PEBP1: variants seen among roughly 807,000 people sequenced by gnomAD.
The protein encoded by PEBP1 is phosphatidylethanolamine binding protein 1.
PEBP1 carries 17 observed loss-of-function variants against 22.7 expected under a neutral mutation model. The ratio of observed to expected loss-of-function variants is 0.75; its 90% CI spans 0.51 to 1.12. PEBP1 has a LOEUF of 1.12. Among genes scored for constraint, PEBP1 ranks in the 50% most tolerant of loss-of-function variants. The pLI is 0.00. For missense variants in PEBP1, 205 were observed against 243.5 expected (o/e 0.84, Z 1.05); for synonymous variants, 106 against 104.3 (o/e 1.02, Z -0.10).
chr12:118,136,478 C>G lies in PEBP1; in HGVS notation c.135+134C>G. The G allele has an allele frequency of 1.8e-6, 2 of 1,100,752 alleles. No individual in the cohort carries two copies. Among genetic ancestry groups the G allele is most frequent in the Non-Finnish European group, 2.5e-6 (2 of 800,778 alleles). The allele number at this position is 1,100,752 out of a possible 1,614,324, so 68.2% of individuals were successfully genotyped here. On this transcript the variant is annotated intron_variant, in intron 1 of 3. Coordinates refer to ENST00000261313, the MANE Select transcript of PEBP1 (RefSeq NM_002567.4). This position sits in a 1 kb window ranked among gnomAD's most constrained non-coding sequence, Gnocchi z 5.6. Reference sequence around the variant, plus strand: ...CTGCGTGTGTCGAGGCCCCCCCAGGCCAGAGGTCCCGGGGTCCATGTCCCA... The same window carrying G: ...CTGCGTGTGTCGAGGCCCCCCCAGGGCAGAGGTCCCGGGGTCCATGTCCCA...
At chr12:118,142,524 T>C (rs1320065737) in intron 3 of PEBP1, among the ~76,000 whole-genome samples, 1 of 151,940 alleles carries the variant, frequency 6.6e-6, no homozygotes, top group African/African-American at 2.4e-5. Context: ...TTTTTGAGGC[T>C]GGAGTGCAGT....
intron 3 of PEBP1, among the ~76,000 whole-genome samples, chr12:118,143,037 C>T (rs1360838272): frequency 6.6e-6 from 1 of 151,354 alleles, no homozygotes; most frequent in South Asian, 2.1e-4. Context: ...CTAGTAGAGA[C>T]GGGGTTTCGC....
intron 3 of PEBP1, among the ~76,000 whole-genome samples, chr12:118,140,661 C>T (rs2034106179): frequency 6.6e-6 from 1 of 151,992 alleles, no homozygotes; most frequent in Non-Finnish European, 1.5e-5. Context: ...GCCTCAGCCT[C>T]CCGAGTAGCT....
intron 3 of PEBP1, among the ~76,000 whole-genome samples, chr12:118,142,162 C>G (rs1198575307): frequency 3.3e-5 from 5 of 150,466 alleles, no homozygotes; most frequent in Non-Finnish European, 7.4e-5. Flanking sequence ...AGTGGAGTGG[C>G]TGCCATGCAT....
chr12:118,138,184 C>G (rs767986450), intron 2 of PEBP1, 36 bp downstream of exon 2: 9 of 1,379,554 alleles, frequency 6.5e-6, no homozygotes, highest in Non-Finnish European at 9.3e-6. Context: ...GCAGGTCATG[C>G]AGAGATGAGT....
In PEBP1 at chr12:118,145,290, G is replaced by C. The variant is rs2034147719; in HGVS notation, c.*487G>C. The C allele has an allele frequency of 9.1e-6, 3 of 331,322 alleles. No homozygotes were observed. The highest frequency in any genetic ancestry group is 1.7e-5 in the Non-Finnish European group (3 of 172,748). The allele number at this position is 331,322 out of a possible 1,614,324, so 20.5% of individuals were successfully genotyped here. A position where few individuals can be genotyped will look rare whatever the true frequency, so the allele number is the denominator to read the frequency against. On this transcript the variant is annotated 3_prime_UTR_variant, in exon 4 of 4. Coordinates refer to ENST00000261313, the MANE Select transcript of PEBP1 (RefSeq NM_002567.4). The stretch of plus-strand genomic sequence containing the variant: ...TAGACAACCAGAGGCTGGCATTGAG[G>C]CTAACCTCCAACACAGTGCATCTCA...
rs755278700 is a variant in PEBP1 at position 118,139,546 on chromosome 12, G to A, written c.341G>A (p.Gly114Asp). 2 of 1,607,518 alleles carry A rather than the reference G, an allele frequency of 1.2e-6. No individual in the cohort carries two copies. Among genetic ancestry groups the A allele is most frequent in the Admixed American group, 1.7e-5 (1 of 59,814 alleles). ...SDYVGSGPPK[G>D]TGLHRYVWLV... ...TATGTGGGCTCGGGGCCTCCCAAGGGCACAGGTTAGTAAAGGTTGTTTTTG... is the reference window on the plus strand; with the variant it reads ...TATGTGGGCTCGGGGCCTCCCAAGGACACAGGTTAGTAAAGGTTGTTTTTG... Residue 114 changes from glycine to aspartate, a missense_variant, in exon 3 of 4, where the codon GGC (glycine) becomes GAC (aspartate). Gly to Asp is a moderately conservative substitution (Grantham distance 94, BLOSUM62 -1). Coordinates refer to ENST00000261313, the MANE Select transcript of PEBP1 (RefSeq NM_002567.4).
Position 118,144,812 on chromosome 12 carries a change from C to T in PEBP1, c.*9C>T, listed in dbSNP as rs376087935. The T allele has an allele frequency of 1.3e-4, 204 of 1,613,820 alleles. No individual in the cohort carries two copies. Among genetic ancestry groups the T allele is most frequent in the Admixed American group, 3.5e-4 (21 of 60,016 alleles). On this transcript the variant is annotated 3_prime_UTR_variant, in exon 4 of 4. Coordinates refer to ENST00000261313, the MANE Select transcript of PEBP1 (RefSeq NM_002567.4). Reference sequence around the variant, plus strand: ...AGCTGTCTGGGAAGTAGGGGGTTAGCTTGGGGACCTGAACTGTCCTGGAGG... The same window carrying T: ...AGCTGTCTGGGAAGTAGGGGGTTAGTTTGGGGACCTGAACTGTCCTGGAGG...
chr12:118,141,221 A>AT (rs1225737368), intron 3 of PEBP1, among the ~76,000 whole-genome samples: 2 of 151,234 alleles, frequency 1.3e-5, no homozygotes, highest in African/African-American at 4.9e-5. Flanking sequence ...TGTTCAAATG[A>AT]TTCTTCTGCC....
At chr12:118,140,481 G>T (rs1422565452) in intron 3 of PEBP1, among the ~76,000 whole-genome samples, 3 of 152,104 alleles carry the variant, frequency 2.0e-5, no homozygotes, top group Non-Finnish European at 1.5e-5. Flanking sequence ...AAATTAGGCA[G>T]GTTAATTATG....
Position 118,136,150 on chromosome 12 carries a change from C to G in PEBP1, c.-60C>G. The G allele has an allele frequency of 1.3e-6, 2 of 1,532,768 alleles. No individual in the cohort carries two copies. Among genetic ancestry groups the G allele is most frequent in the Non-Finnish European group, 1.7e-6 (2 of 1,143,940 alleles). The allele number at this position is 1,532,768 out of a possible 1,614,324, so 94.9% of individuals were successfully genotyped here. On this transcript the variant is annotated 5_prime_UTR_variant, in exon 1 of 4. Coordinates refer to ENST00000261313, the MANE Select transcript of PEBP1 (RefSeq NM_002567.4). This position sits in a 1 kb window ranked among gnomAD's most constrained non-coding sequence, Gnocchi z 5.6. ...GTGTGCTGAGCTCTCCGCGTCGCCT[C>G]TGTCGCCCGCGCCTGGCCTACCGCG...
Position 118,145,352 on chromosome 12 carries a change from CT to C in PEBP1, c.*552del, listed in dbSNP as rs947499771. ...AGGCATCAGTATGTCACTCTGGTCCCTTTAAAGAGCAATCCTGGAAGAAGCA... is the reference window on the plus strand; with the variant it reads ...AGGCATCAGTATGTCACTCTGGTCCCTTAAAGAGCAATCCTGGAAGAAGCA... On this transcript the variant is annotated 3_prime_UTR_variant, in exon 4 of 4. Transcript: ENST00000261313. 1.4e-5 allele frequency: 3 copies of C among 210,388 alleles called. No individual in the cohort carries two copies. The highest frequency in any genetic ancestry group is 7.1e-5 in the African/African-American group (3 of 42,144). The allele number at this position is 210,388 out of a possible 1,614,324, so 13.0% of individuals were successfully genotyped here.
chr12:118,137,783 G>A (rs2034078977), intron 1 of PEBP1, among the ~76,000 whole-genome samples: 1 of 152,004 alleles, frequency 6.6e-6, no homozygotes, highest in Admixed American at 6.6e-5. Context: ...TGCCTCCCCA[G>A]CTCAAGTGAT....
chr12:118,137,612 G>C (rs892353248), intron 1 of PEBP1, among the ~76,000 whole-genome samples: 20 of 152,198 alleles, frequency 1.3e-4, no homozygotes, highest in African/African-American at 4.8e-4. Flanking sequence ...GTCAATACAG[G>C]GTCATTGATT....
chr12:118,140,608 C>T (rs139752366), intron 3 of PEBP1, among the ~76,000 whole-genome samples: 4,377 of 151,348 alleles, frequency 0.029, 89 homozygotes, highest in Non-Finnish European at 0.041. Context: ...GGCACGATCT[C>T]GCTCACTGCA....
Position 118,136,247 on chromosome 12 carries a change from G to C in PEBP1, c.38G>C (p.Ser13Thr). The change falls in exon 1 of 4, where the codon AGC becomes ACC. Residue 13 changes from serine to threonine, a missense_variant. Physicochemically the swap from Ser to Thr is moderately conservative, Grantham distance 58. Transcript: ENST00000261313. The surrounding 1 kb of genome is among the most constrained non-coding windows in gnomAD (Gnocchi z 5.6). ...VDLSKWSGPLSLQEVDEQPQH... is the reference protein window; with the variant it reads ...VDLSKWSGPLTLQEVDEQPQH... ...CTCAGCAAGTGGTCCGGGCCCTTGA[G>C]CCTGCAAGAAGTGGACGAGCAGCCG... 6.5e-7 allele frequency: 1 copy of C among 1,547,218 alleles called. No individual in the cohort carries two copies. Among genetic ancestry groups the C allele is most frequent in the Middle Eastern group, 2.3e-4 (1 of 4,366 alleles).
At chr12:118,140,389 T>G (rs940666036) in intron 3 of PEBP1, among the ~76,000 whole-genome samples, 2 of 152,184 alleles carry the variant, frequency 1.3e-5, no homozygotes, top group African/African-American at 4.8e-5. Context: ...TTCAGATGCC[T>G]TTAAACCCTC....
In PEBP1 at chr12:118,144,980, C is replaced by T; in HGVS notation, c.*177C>T. 6.6e-7 allele frequency: 1 copy of T among 1,526,302 alleles called. No individual in the cohort carries two copies. The highest frequency in any genetic ancestry group is 2.5e-5 in the East Asian group (1 of 40,176). 94.5% of individuals were successfully genotyped at this position (1,526,302 alleles called of 1,614,324 possible). On this transcript the variant is annotated 3_prime_UTR_variant, in exon 4 of 4. Coordinates refer to ENST00000261313, the MANE Select transcript of PEBP1 (RefSeq NM_002567.4). ...GCTGCCTGGCCTTTATAATTTTACTCACTCACTCTGATTTATGTTTTGATC... is the reference window on the plus strand; with the variant it reads ...GCTGCCTGGCCTTTATAATTTTACTTACTCACTCTGATTTATGTTTTGATC...
At chr12:118,139,343 C>T (rs1275345254) in intron 2 of PEBP1, 108 bp from the exon 3 acceptor site, 8 of 714,616 alleles carry the variant, frequency 1.1e-5, no homozygotes, top group South Asian at 4.4e-5. Context: ...GACTGTTGTT[C>T]GTGGCTGTGT....
Sources: gnomAD v4.1 joint callset for allele counts (sites outside exome capture counted in the v4.1 genomes callset) on GRCh38, gnomAD v4.1.1 for gene constraint, Gnocchi (gnomAD v3.1) non-coding constraint, MANE v1.5 for transcripts, NCBI Gene and HGNC (gene_info 2026-07-23, HGNC 2026-07-21) for gene names.